Variants in CNTN3 observed in about 807,000 individuals in gnomAD.
The protein encoded by CNTN3 is contactin 3.
CNTN3 carries 60 observed loss-of-function variants against 119.1 expected under a neutral mutation model. The observed-to-expected ratio is 0.50, with a 90% CI of 0.41 to 0.62. The LOEUF is 0.62. Ranked by LOEUF, CNTN3 falls within the 20% of genes least tolerant of loss-of-function variation. The pLI is 0.00. For missense variants in CNTN3, 1,101 were observed against 1,242.4 expected, an observed-to-expected ratio of 0.89 and a Z score of 1.71; for synonymous variants, 450 against 438.7, an observed-to-expected ratio of 1.03 and a Z score of -0.32.
chr3:74,547,434 T>G (rs1559653181), intron 1 of CNTN3, among the ~76,000 whole-genome samples: 1 of 152,138 alleles, frequency 6.6e-6, no homozygotes, highest in Non-Finnish European at 1.5e-5. Context: ...AATCAAAATA[T>G]ATGTAATTTA....
At chr3:74,316,673 T>C (rs1326915664) in intron 13 of CNTN3, among the ~76,000 whole-genome samples, 11 of 152,016 alleles carry the variant, frequency 7.2e-5, no homozygotes. Context: ...GATGAAATCA[T>C]GGTGCACTTT....
chr3:74,507,200 T>C (rs6794971), intron 2 of CNTN3, among the ~76,000 whole-genome samples: 149,251 of 152,256 alleles, frequency 0.98, 73,228 homozygotes, highest in East Asian at 1. Flanking sequence ...AGGAGGATCA[T>C]AGGAAGCCAA....
At chr3:74,382,207 TA>T (rs778429754) in intron 5 of CNTN3, among the ~76,000 whole-genome samples, 2 of 150,932 alleles carry the variant, frequency 1.3e-5, no homozygotes, top group African/African-American at 2.4e-5. Flanking sequence ...AAATTCCGCC[TA>T]AAAAAAAACT....
intron 5 of CNTN3, among the ~76,000 whole-genome samples, chr3:74,386,664 G>A (rs933071344): frequency 2.0e-5 from 3 of 152,154 alleles, no homozygotes; most frequent in African/African-American, 7.2e-5. Flanking sequence ...TGTAAGCCAG[G>A]GAAAGATTCC....
chr3:74,610,067 A>G (rs990115165), intron 1 of CNTN3, among the ~76,000 whole-genome samples: 3 of 152,064 alleles, frequency 2.0e-5, no homozygotes, highest in African/African-American at 7.2e-5. Context: ...TCACACCTAT[A>G]ATCTCAGCAC....
In CNTN3 at chr3:74,263,173, G is replaced by T. The variant is rs1008729137; in HGVS notation, c.*1228C>A. ...GATTTTAATTTATTCTCTATATATT[G>T]CTATGAAGTCACGTCTTCAACAATT... On this transcript the variant is annotated 3_prime_UTR_variant, in exon 23 of 23. Coordinates refer to ENST00000263665, the MANE Select transcript of CNTN3 (RefSeq NM_020872.3). 1.3e-5 allele frequency: 2 copies of T among 152,048 alleles called. No homozygotes were observed. Among genetic ancestry groups the T allele is most frequent in the African/African-American group, 4.8e-5 (2 of 41,410 alleles). The allele number at this position is 152,048 out of a possible 1,614,324, so 9.4% of individuals were successfully genotyped here.
chr3:74,349,824 A>G (rs1703773825), intron 11 of CNTN3, among the ~76,000 whole-genome samples: 1 of 152,186 alleles, frequency 6.6e-6, no homozygotes, highest in Admixed American at 6.5e-5. Flanking sequence ...CTGTATGACC[A>G]AAAGAATATG....
At chr3:74,351,888 C>A (rs1348204320) in intron 11 of CNTN3, among the ~76,000 whole-genome samples, 1 of 152,090 alleles carries the variant, frequency 6.6e-6, no homozygotes, top group Non-Finnish European at 1.5e-5. Context: ...GAGTTATTGG[C>A]AAAGGACCTC....
intron 20 of CNTN3, among the ~76,000 whole-genome samples, chr3:74,276,712 C>T (rs1488603060): frequency 6.6e-6 from 1 of 152,058 alleles, no homozygotes; most frequent in Non-Finnish European, 1.5e-5. Flanking sequence ...TCTAAGGTCA[C>T]ACCTCAAGGA....
intron 20 of CNTN3, among the ~76,000 whole-genome samples, chr3:74,285,072 C>A (rs533374893): frequency 7.9e-5 from 12 of 152,244 alleles, no homozygotes; most frequent in African/African-American, 2.9e-4. Flanking sequence ...TAACACCCCA[C>A]ACTAAGATTT....
chr3:74,418,947 T>C (rs1296176570), intron 5 of CNTN3, among the ~76,000 whole-genome samples: 1 of 151,314 alleles, frequency 6.6e-6, no homozygotes, highest in Non-Finnish European at 1.5e-5. Context: ...CGCACCACCA[T>C]GCCTGGATAA....
intron 20 of CNTN3, among the ~76,000 whole-genome samples, chr3:74,273,588 C>A (rs1701823526): frequency 6.6e-6 from 1 of 152,124 alleles, no homozygotes; most frequent in Non-Finnish European, 1.5e-5. Context: ...CCGACCTTAC[C>A]TGGAGCTGAG....
intron 11 of CNTN3, among the ~76,000 whole-genome samples, chr3:74,360,048 A>C (rs910582833): frequency 2.6e-5 from 4 of 152,182 alleles, no homozygotes; most frequent in Non-Finnish European, 5.9e-5. Flanking sequence ...CTCAATTCAC[A>C]ATTTTATCTT....
chr3:74,517,073 T>A (rs1192447670), intron 2 of CNTN3, among the ~76,000 whole-genome samples: 1 of 151,870 alleles, frequency 6.6e-6, no homozygotes, highest in African/African-American at 2.4e-5. Flanking sequence ...TTCTCCTGAC[T>A]CCAAGTTTTT....
intron 5 of CNTN3, among the ~76,000 whole-genome samples, chr3:74,382,351 A>T: frequency 6.6e-6 from 1 of 152,214 alleles, no homozygotes; most frequent in East Asian, 1.9e-4. Flanking sequence ...ACTAGCTCAC[A>T]TACTTATCCT....
intron 5 of CNTN3, among the ~76,000 whole-genome samples, chr3:74,374,045 G>A (rs1339217977): frequency 2.0e-5 from 3 of 152,106 alleles, no homozygotes; most frequent in African/African-American, 7.2e-5. Context: ...GCTGCTCCTA[G>A]TACTGAACTG....
At chr3:74,297,705 T>C (rs956664808) in intron 18 of CNTN3, among the ~76,000 whole-genome samples, 1 of 152,202 alleles carries the variant, frequency 6.6e-6, no homozygotes, top group African/African-American at 2.4e-5. Flanking sequence ...ATTTCTTCCT[T>C]TTGGCCTAGT....
intron 1 of CNTN3, among the ~76,000 whole-genome samples, chr3:74,569,221 T>A (rs1704273318): frequency 6.6e-6 from 1 of 152,176 alleles, no homozygotes; most frequent in Non-Finnish European, 1.5e-5. Context: ...TGCCCTCATA[T>A]TACCAGAACT....
At chr3:74,369,124 C>T (rs1463673371) in intron 8 of CNTN3, 65 bp downstream of exon 8, 3 of 1,278,910 alleles carry the variant, frequency 2.3e-6, no homozygotes, top group South Asian at 3.5e-5. Context: ...CCCTAAATAA[C>T]AACCATATTT....
Sources: gnomAD v4.1 joint callset for allele counts (sites outside exome capture counted in the v4.1 genomes callset) on GRCh38, gnomAD v4.1.1 for gene constraint, MANE v1.5 for transcripts, NCBI Gene and HGNC (gene_info 2026-07-23, HGNC 2026-07-21) for gene names.